Variants in PCDHGA1 observed in about 807,000 individuals in gnomAD.
The protein encoded by PCDHGA1 is protocadherin gamma-A1.
In PCDHGA1, 32 loss-of-function variants were observed where a neutral mutation model predicts 58.0. That is an observed-to-expected ratio of 0.55 (90% confidence interval 0.42 to 0.74). PCDHGA1 has a LOEUF of 0.74. Ranked by LOEUF, PCDHGA1 falls within the 30% of genes least tolerant of loss-of-function variation. PCDHGA1 has a pLI of 0.00. For synonymous variants in PCDHGA1, 498 were observed against 501.1 expected, an observed-to-expected ratio of 0.99 and a Z score of 0.08; for missense variants, 1,205 against 1,182.3, an observed-to-expected ratio of 1.02 and a Z score of -0.28.
intron 1 of PCDHGA1, chr5:141,427,261 C>A (rs903526432): frequency 1.5e-5 from 7 of 456,556 alleles, no homozygotes; most frequent in African/African-American, 4.0e-5. Flanking sequence ...GGAGGCATGA[C>A]CAGCGAATGT....
intron 1 of PCDHGA1, 47 bp downstream of exon 1, chr5:141,333,152 C>A (rs779116217): frequency 1.7e-5 from 28 of 1,611,394 alleles, no homozygotes; most frequent in Non-Finnish European, 1.4e-5. Flanking sequence ...AAAAATAATT[C>A]TTGATTTAAC....
rs186000917 is a variant in PCDHGA1, at chr5:141,371,695, C to T, written c.2421+38590C>T. ...GACAAAGGCAATCCACCGCTCTCCT[C>T]CAGCAAGACCATCACTCTGCACATC... On this transcript the variant is annotated intron_variant, in intron 1 of 3. Transcript: ENST00000517417. The T allele has an allele frequency of 8.7e-6, 14 of 1,614,058 alleles. No individual in the cohort carries two copies. In the Admixed American group the frequency reaches 1.7e-4, roughly 19 times the overall value.
At position 141,491,952 on chromosome 5, in the gene PCDHGA1, C is replaced by A; in HGVS notation, c.2422-2855C>A. 9.4e-7 allele frequency: 1 copy of A among 1,062,954 alleles called. No homozygotes were observed. The allele number at this position is 1,062,954 out of a possible 1,614,324, so 65.8% of individuals were successfully genotyped here. On this transcript the variant is annotated intron_variant, in intron 1 of 3. Coordinates refer to ENST00000517417, the MANE Select transcript of PCDHGA1 (RefSeq NM_018912.3). The surrounding 1 kb of genome is among the most constrained non-coding windows in gnomAD (Gnocchi z 6.9). ...GGTGGGACCGACCCCCACCCCTACA[C>A]TCAAAAAAGGCCGGGGCCTCCTTCG...
chr5:141,365,660 G>A (rs752963380), intron 1 of PCDHGA1: 2 of 1,613,380 alleles, frequency 1.2e-6, no homozygotes, highest in Non-Finnish European at 1.7e-6. Context: ...GAAAGTAGCA[G>A]ACGTTAATGA....
chr5:141,384,835 G>A (rs1390926308), intron 1 of PCDHGA1: 2 of 1,613,468 alleles, frequency 1.2e-6, no homozygotes, highest in East Asian at 2.2e-5. Flanking sequence ...CGTGGTGGCC[G>A]TCCAGGACCA....
Position 141,487,631 on chromosome 5 carries a change from G to T in PCDHGA1, c.2422-7176G>T. Reference sequence around the variant, plus strand: ...TGGGCTAGAGGTGAGACCTTTGCAGGCTCAACAAATGCTTGAGGGTTATTC... The same window carrying T: ...TGGGCTAGAGGTGAGACCTTTGCAGTCTCAACAAATGCTTGAGGGTTATTC... On this transcript the variant is annotated intron_variant, in intron 1 of 3. Transcript: ENST00000517417. The surrounding 1 kb of genome is among the most constrained non-coding windows in gnomAD (Gnocchi z 5.0). The T allele has an allele frequency of 6.2e-7, 1 of 1,614,176 alleles. No individual in the cohort carries two copies. Among genetic ancestry groups the T allele is most frequent in the Non-Finnish European group, 8.5e-7 (1 of 1,180,032 alleles).
At chr5:141,387,676 G>A (rs1218377613) in intron 1 of PCDHGA1, 7 of 732,116 alleles carry the variant, frequency 9.6e-6, no homozygotes, top group Non-Finnish European at 1.5e-5. Flanking sequence ...AGATCTCCTC[G>A]CGCAGCCGCA....
At chr5:141,459,938 C>T (rs373341229) in intron 1 of PCDHGA1, among the ~76,000 whole-genome samples, 4 of 152,148 alleles carry the variant, frequency 2.6e-5, no homozygotes, top group African/African-American at 4.8e-5. Context: ...TGTAGCTGGG[C>T]GTGATGGCAG....
At chr5:141,393,592 G>C in intron 1 of PCDHGA1, 1 of 1,613,908 alleles carries the variant, frequency 6.2e-7, no homozygotes, top group Non-Finnish European at 8.5e-7. Context: ...CCAGGCACGC[G>C]GCTGCTTACT....
At chr5:141,461,821 T>A (rs569091880) in intron 1 of PCDHGA1, among the ~76,000 whole-genome samples, 1 of 151,286 alleles carries the variant, frequency 6.6e-6, no homozygotes, top group South Asian at 2.1e-4. Context: ...ACCCAGCTAA[T>A]TTTTTTTTCT....
intron 1 of PCDHGA1, chr5:141,395,094 G>A (rs192995605): frequency 6.2e-7 from 1 of 1,614,160 alleles, no homozygotes; most frequent in African/African-American, 1.3e-5. Flanking sequence ...CTCCCTCACC[G>A]CCGACTCGCG....
chr5:141,499,486 C>T (rs569172977), intron 2 of PCDHGA1, among the ~76,000 whole-genome samples: 3 of 152,284 alleles, frequency 2.0e-5, no homozygotes, highest in East Asian at 1.9e-4. Context: ...CCACCAACTA[C>T]AGTTTAATAT....
rs1756454393 is a variant in PCDHGA1 at position 141,333,228 on chromosome 5, A to G, written c.2421+123A>G. 8.5e-6 allele frequency: 12 copies of G among 1,411,022 alleles called. No individual in the cohort carries two copies. The East Asian group carries it at 9.3e-5, about 11-fold the overall frequency. The allele number at this position is 1,411,022 out of a possible 1,614,324, so 87.4% of individuals were successfully genotyped here. ...CCATGTATCTTTGTAGCTTTTTATT[A>G]CAAGTCCTGCAAAATCACGATTGAG... On this transcript the variant is annotated intron_variant, in intron 1 of 3. Coordinates refer to ENST00000517417, the MANE Select transcript of PCDHGA1 (RefSeq NM_018912.3).
At chr5:141,333,461 T>G in intron 1 of PCDHGA1, 1 of 383,182 alleles carries the variant, frequency 2.6e-6, no homozygotes, top group Non-Finnish European at 4.5e-6. Context: ...CTCACCAATA[T>G]TTAAATGACT....
In PCDHGA1 at chr5:141,486,440, A is replaced by G; in HGVS notation, c.2422-8367A>G. 6.2e-7 allele frequency: 1 copy of G among 1,614,114 alleles called. No individual in the cohort carries two copies. The highest frequency in any genetic ancestry group is 8.5e-7 in the Non-Finnish European group (1 of 1,179,936). On this transcript the variant is annotated intron_variant, in intron 1 of 3. Coordinates refer to ENST00000517417, the MANE Select transcript of PCDHGA1 (RefSeq NM_018912.3). This position sits in a 1 kb window ranked among gnomAD's most constrained non-coding sequence, Gnocchi z 5.0. ...TCGAGAGGCCAAATCTAGCTATGACATCATGGTCACTGCTTCTGATGCTGG... is the reference window on the plus strand; with the variant it reads ...TCGAGAGGCCAAATCTAGCTATGACGTCATGGTCACTGCTTCTGATGCTGG...
chr5:141,436,962 C>A (rs1462988296), intron 1 of PCDHGA1, among the ~76,000 whole-genome samples: 1 of 152,144 alleles, frequency 6.6e-6, no homozygotes, highest in Non-Finnish European at 1.5e-5. Context: ...AAACAAGGAT[C>A]TTGTGAAACT....
At position 141,486,027 on chromosome 5, in the gene PCDHGA1, C is replaced by A. The variant is rs2099623152; in HGVS notation, c.2422-8780C>A. 2 of 1,614,048 alleles carry A rather than the reference C, an allele frequency of 1.2e-6. No individual in the cohort carries two copies. Among genetic ancestry groups the A allele is most frequent in the African/African-American group, 2.7e-5 (2 of 74,912 alleles). On this transcript the variant is annotated intron_variant, in intron 1 of 3. Coordinates refer to ENST00000517417, the MANE Select transcript of PCDHGA1 (RefSeq NM_018912.3). The surrounding 1 kb of genome is among the most constrained non-coding windows in gnomAD (Gnocchi z 5.0). ...GTCACCTTTTATTTCAGTGGTCATA[C>A]CCCTGATCGTGTAAGAAACCTCTTT...
chr5:141,488,014 C>T (rs2099670661), intron 1 of PCDHGA1, among the ~76,000 whole-genome samples: 1 of 152,120 alleles, frequency 6.6e-6, no homozygotes, highest in South Asian at 2.1e-4. Context: ...TCTGAAGTAC[C>T]TTAACTCTAG....
chr5:141,361,294 T>C, intron 1 of PCDHGA1: 1 of 1,613,920 alleles, frequency 6.2e-7, no homozygotes, highest in South Asian at 1.1e-5. Context: ...CTGCCAAGTG[T>C]TGGGAAATGC....
Sources: gnomAD v4.1 joint callset for allele counts (sites outside exome capture counted in the v4.1 genomes callset) on GRCh38, gnomAD v4.1.1 for gene constraint, Gnocchi (gnomAD v3.1) non-coding constraint, MANE v1.5 for transcripts, NCBI Gene and HGNC (gene_info 2026-07-23, HGNC 2026-07-21) for gene names.